Variants in KDM3A observed in about 807,000 individuals in gnomAD.
KDM3A encodes the protein lysine demethylase 3A.
Under a neutral mutation model 158.0 loss-of-function variants are expected in KDM3A, and 60 were observed. The observed-to-expected ratio is 0.38, with a 90% CI of 0.31 to 0.47. The LOEUF is 0.47. KDM3A is among the 20% of genes least tolerant of loss of function. The probability of loss-of-function intolerance (pLI) is 0.99; values close to 1 mark genes in which losing one functional copy is unlikely to be tolerated. For synonymous variants in KDM3A, 608 were observed against 549.3 expected (o/e 1.11, Z -1.49); for missense variants, 1,319 against 1,574.3 (o/e 0.84, Z 2.74).
chr2:86,456,920 C>T (rs1427124231), intron 7 of KDM3A, 43 bp downstream of exon 7: 1 of 1,565,124 alleles, frequency 6.4e-7, no homozygotes, highest in Admixed American at 1.7e-5. Flanking sequence ...TCCTCCTTTC[C>T]TCCGTTCTTC....
intron 2 of KDM3A, 32 bp downstream of exon 2, chr2:86,442,265 C>A (rs1168013351): frequency 1.3e-6 from 2 of 1,575,432 alleles, no homozygotes; most frequent in Admixed American, 1.8e-5. Flanking sequence ...TGCCACCGGA[C>A]GTTTCGCAGT....
intron 10 of KDM3A, among the ~76,000 whole-genome samples, chr2:86,469,065 CCTTT>C (rs1414104750): frequency 3.9e-5 from 6 of 152,124 alleles, no homozygotes; most frequent in Non-Finnish European, 1.5e-5. Flanking sequence ...TATTTTCTCT[CCTTT>C]CTTACTTTAC....
rs747747233 is a variant in KDM3A, at chr2:86,464,010, C to T, written c.844-43C>T. The T allele has an allele frequency of 2.9e-6, 4 of 1,402,786 alleles. No homozygotes were observed. The South Asian group carries it at 4.5e-5, about 16-fold the overall frequency. 86.9% of individuals were successfully genotyped at this position (1,402,786 alleles called of 1,614,324 possible). ...TTGGTAGCATTTTATTATTTCCTAA[C>T]TAGGGACTTCCTTTTAATATCTGTT... On this transcript the variant is annotated intron_variant, in intron 8 of 25. Coordinates refer to ENST00000312912, the MANE Select transcript of KDM3A (RefSeq NM_018433.6).
At chr2:86,443,731 A>G (rs1404607195) in intron 2 of KDM3A, among the ~76,000 whole-genome samples, 1 of 152,184 alleles carries the variant, frequency 6.6e-6, no homozygotes, top group Non-Finnish European at 1.5e-5. Flanking sequence ...CTCCTGTCAT[A>G]GGCTGTGAGG....
intron 12 of KDM3A, 80 bp downstream of exon 12, chr2:86,475,070 T>C (rs1388713607): frequency 8.8e-7 from 1 of 1,139,598 alleles, no homozygotes; most frequent in South Asian, 1.4e-5. Flanking sequence ...TCCTAATTGC[T>C]TGGGTTTTTT....
intron 20 of KDM3A, 123 bp from the exon 21 acceptor site, chr2:86,485,606 C>T: frequency 3.6e-6 from 4 of 1,100,002 alleles, no homozygotes; most frequent in Non-Finnish European, 5.3e-6. Context: ...TATTTGATGG[C>T]TGTCAGTCTG....
intron 5 of KDM3A, among the ~76,000 whole-genome samples, chr2:86,455,713 A>C (rs1334830365): frequency 1.3e-5 from 2 of 152,112 alleles, no homozygotes; most frequent in East Asian, 3.9e-4. Flanking sequence ...GGGACATCCA[A>C]AGTGGGAGGA....
chr2:86,471,836 A>G (rs1222016069), intron 11 of KDM3A, among the ~76,000 whole-genome samples: 2 of 152,246 alleles, frequency 1.3e-5, no homozygotes, highest in Non-Finnish European at 2.9e-5. Flanking sequence ...TAACATATGC[A>G]TATATTAATA....
Position 86,456,438 on chromosome 2 carries a change from TAAG to T in KDM3A, c.557-3_557-1del, listed in dbSNP as rs1311728873. ...AAGATTTTTTTTTTTTTTTTTTTTT[TAAG>T]GTGACAAAAACTTAGTTGGTTCAGA... On this transcript the variant is annotated splice_acceptor_variant and splice_polypyrimidine_tract_variant and intron_variant, in intron 5 of 25. Transcript: ENST00000312912. LOFTEE classifies it high-confidence loss of function. 6.8e-7 allele frequency: 1 copy of T among 1,462,696 alleles called. No homozygotes were observed. The highest frequency in any genetic ancestry group is 9.1e-7 in the Non-Finnish European group (1 of 1,096,014). 90.6% of individuals were successfully genotyped at this position (1,462,696 alleles called of 1,614,324 possible). A position where few individuals can be genotyped will look rare whatever the true frequency, so the allele number is the denominator to read the frequency against.
chr2:86,482,506 G>A lies in KDM3A; in HGVS notation c.2734G>A (p.Ala912Thr). ...ACCAAAAATCCTTGATGACATCTTT[G>A]CCTCTTTGGTGCAAAATAAGACGAC... ...NTPKILDDIFASLVQNKTTSD... is the reference protein window; with the variant it reads ...NTPKILDDIFTSLVQNKTTSD... The change falls in exon 18 of 26, where the codon GCC becomes ACC. Residue 912 changes from alanine (A) to threonine (T), a missense_variant. Transcript: ENST00000312912. The A allele has an allele frequency of 6.2e-7, 1 of 1,614,168 alleles. No individual in the cohort carries two copies. The highest frequency in any genetic ancestry group is 2.2e-5 in the East Asian group (1 of 44,878).
intron 4 of KDM3A, among the ~76,000 whole-genome samples, chr2:86,453,811 T>A (rs1389760940): frequency 6.6e-6 from 1 of 152,214 alleles, no homozygotes; most frequent in Non-Finnish European, 1.5e-5. Context: ...ACAGACTAGT[T>A]ATCCTTCCCA....
At position 86,482,030 on chromosome 2, in the gene KDM3A, C is replaced by T. The variant is rs1558628791; in HGVS notation, c.2613C>T (p.Ser871=). Residue 871 remains serine (S), a synonymous_variant, in exon 17 of 26, where the codon AGC becomes AGT. Transcript: ENST00000312912. ...KSSTVLHTFN[S]TILTPVSNNN... ...GCACAGTCCTCCATACGTTTAACAG[C>T]ACAATTTTGACACCCGTAAGCAACA... is the stretch of plus-strand genomic sequence containing the variant. 2 of 1,614,004 alleles carry T rather than the reference C, an allele frequency of 1.2e-6. No homozygotes were observed. Among genetic ancestry groups the T allele is most frequent in the African/African-American group, 2.7e-5 (2 of 74,934 alleles).
At chr2:86,489,494 A>G in intron 22 of KDM3A, 26 bp from the exon 23 acceptor site, 2 of 1,611,784 alleles carry the variant, frequency 1.2e-6, no homozygotes, top group Non-Finnish European at 1.7e-6. Flanking sequence ...TTGTGGTCTG[A>G]TATCTGCTTT....
intron 10 of KDM3A, among the ~76,000 whole-genome samples, chr2:86,468,984 C>T (rs756085012): frequency 2.9e-4 from 44 of 152,288 alleles, no homozygotes; most frequent in Admixed American, 2.0e-3. Flanking sequence ...CTGTGGAAGC[C>T]TGGCTCAACT....
At chr2:86,491,864 T>C (rs1018241332) in intron 25 of KDM3A, 175 bp from the exon 26 acceptor site, 1 of 584,402 alleles carries the variant, frequency 1.7e-6, no homozygotes, top group Admixed American at 3.0e-5. Flanking sequence ...TTAAAATGTA[T>C]GTGAAATACT....
At chr2:86,482,343 T>TG (rs1673973450) in intron 17 of KDM3A, 115 bp from the exon 18 acceptor site, 1 of 1,515,222 alleles carries the variant, frequency 6.6e-7, no homozygotes. Flanking sequence ...CCTTTTTGCC[T>TG]GGGGGTCCTG....
At chr2:86,469,606 C>G (rs1247068921) in intron 10 of KDM3A, among the ~76,000 whole-genome samples, 1 of 152,190 alleles carries the variant, frequency 6.6e-6, no homozygotes, top group African/African-American at 2.4e-5. Context: ...AGCCAGTGCT[C>G]TTAATCCTGC....
At chr2:86,475,184 C>T (rs1022952789) in intron 12 of KDM3A, among the ~76,000 whole-genome samples, 194 bp downstream of exon 12, 2 of 151,764 alleles carry the variant, frequency 1.3e-5, no homozygotes, top group Non-Finnish European at 2.9e-5. Context: ...TTATTTTGGG[C>T]CAATTAACAG....
In KDM3A at chr2:86,457,063, T is replaced by C. The variant is rs1672735139; in HGVS notation, c.835T>C (p.Cys279Arg). ...CCTGGTTTCCAAACAAGCAAAATCT[T>C]GCTCTGAGGTAACCTTTATTTATGT... ...GTLVSKQAKS[C>R]SEASPSMCPV... Residue 279 changes from cysteine to arginine, a missense_variant, in exon 8 of 26, where the codon TGC becomes CGC. Cys to Arg is a radical substitution (Grantham distance 180). Around this residue, in one of 4 missense-constraint regions of KDM3A, gnomAD observed 652 missense variants for 627.2 expected, o/e 1.04. Coordinates refer to ENST00000312912, the MANE Select transcript of KDM3A (RefSeq NM_018433.6). 6.3e-7 allele frequency: 1 copy of C among 1,578,126 alleles called. No individual in the cohort carries two copies. The highest frequency in any genetic ancestry group is 1.7e-4 in the Middle Eastern group (1 of 5,914).
Sources: gnomAD v4.1 joint callset for allele counts (sites outside exome capture counted in the v4.1 genomes callset) on GRCh38, gnomAD v4.1.1 for gene constraint, gnomAD v4.1.1 regional missense constraint, MANE v1.5 for transcripts, NCBI Gene and HGNC (gene_info 2026-07-23, HGNC 2026-07-21) for gene names.